AMBRA1: variants seen among roughly 807,000 people sequenced by gnomAD.
AMBRA1 encodes the protein activating molecule in BECN1-regulated autophagy protein 1.
AMBRA1 carries 47 observed loss-of-function variants against 125.4 expected under a neutral mutation model. The ratio of observed to expected loss-of-function variants is 0.37; its 90% CI spans 0.30 to 0.48. The LOEUF (loss-of-function observed/expected upper bound fraction) is 0.48. Ranked by LOEUF, AMBRA1 falls within the 20% of genes least tolerant of loss-of-function variation. AMBRA1 has a pLI of 0.99. For synonymous variants in AMBRA1, 626 were observed against 655.5 expected (o/e 0.95, Z 0.69); for missense variants, 1,331 against 1,693.4 (o/e 0.79, Z 3.76).
At chr11:46,552,220 T>G (rs1186427664) in intron 1 of AMBRA1, among the ~76,000 whole-genome samples, 1 of 146,930 alleles carries the variant, frequency 6.8e-6, no homozygotes, top group Non-Finnish European at 1.5e-5. Flanking sequence ...AATACAAAAA[T>G]TAGCCGGGCG....
At chr11:46,512,921 G>T in intron 7 of AMBRA1, 108 bp from the exon 8 acceptor site, 1 of 932,150 alleles carries the variant, frequency 1.1e-6, no homozygotes, top group South Asian at 1.8e-5. Context: ...TTTGCAGCCA[G>T]CTAACGCCTG....
chr11:46,426,770 T>C (rs1947156164), intron 14 of AMBRA1, among the ~76,000 whole-genome samples: 1 of 152,220 alleles, frequency 6.6e-6, no homozygotes, highest in Non-Finnish European at 1.5e-5. Context: ...GGAAGCAGCT[T>C]TTAATCAACT....
intron 7 of AMBRA1, among the ~76,000 whole-genome samples, chr11:46,534,269 G>C (rs1485126696): frequency 6.6e-6 from 1 of 151,592 alleles, no homozygotes; most frequent in Admixed American, 6.6e-5. Flanking sequence ...GAGGCGGGCG[G>C]AGCACCAGAG....
chr11:46,588,125 G>A (rs564661794), intron 1 of AMBRA1, among the ~76,000 whole-genome samples: 47 of 152,290 alleles, frequency 3.1e-4, no homozygotes, highest in Non-Finnish European at 4.6e-4. Context: ...TTGAGGTCAG[G>A]GGTTCAAGAC....
rs1486830503 is a variant in AMBRA1 at position 46,494,372 on chromosome 11, T to C, written c.2340-168A>G. 2.0e-5 allele frequency among the ~76,000 whole-genome samples: 3 copies of C among 152,298 alleles called. No homozygotes were observed. In the East Asian group the frequency reaches 5.8e-4, roughly 29 times the overall value. On this transcript the variant is annotated intron_variant, in intron 9 of 17. Transcript: ENST00000683756. ...TAGGCAGCACATTAATAAAACATAT[T>C]TCTGGAGAACCTCAACTAAGAGATT...
intron 17 of AMBRA1, among the ~76,000 whole-genome samples, chr11:46,403,082 T>C (rs902997365): frequency 5.9e-5 from 9 of 152,166 alleles, no homozygotes; most frequent in South Asian, 2.1e-4. Context: ...TCTTTGAAAA[T>C]AGGAAATTGA....
intron 11 of AMBRA1, among the ~76,000 whole-genome samples, chr11:46,484,120 C>T (rs533824908): frequency 1.3e-5 from 2 of 152,234 alleles, no homozygotes; most frequent in East Asian, 1.9e-4. Context: ...CAGCTTTGTG[C>T]CATGCACAAG....
In AMBRA1 at chr11:46,459,733, TACACATACACACACACAC is replaced by T. The variant is rs568157479; in HGVS notation, c.2522-16153_2522-16136del. 1.9e-3 allele frequency among the ~76,000 whole-genome samples: 217 copies of T among 115,530 alleles called. 2 individuals are homozygous for T. Among genetic ancestry groups the T allele is most frequent in the Middle Eastern group, 0.017 (4 of 238 alleles). The allele number at this position is 115,530 out of a possible 152,430, so 75.8% of individuals were successfully genotyped here. A position where few individuals can be genotyped will look rare whatever the true frequency, so the allele number is the denominator to read the frequency against. ...CTCCCTCCCAAAAAGAAAAAAAAAA[TACACATACACACACACAC>T]ACACACACACACACACACACACACC... On this transcript the variant is annotated intron_variant, in intron 11 of 17. Transcript: ENST00000683756.
intron 15 of AMBRA1, among the ~76,000 whole-genome samples, chr11:46,413,694 T>C (rs1946402461): frequency 6.6e-6 from 1 of 152,168 alleles, no homozygotes; most frequent in African/African-American, 2.4e-5. Flanking sequence ...TTTCGCCATG[T>C]TGGCCAGGCT....
At chr11:46,564,144 C>CAAAA (rs563596004) in intron 1 of AMBRA1, among the ~76,000 whole-genome samples, 2 of 38,116 alleles carry the variant, frequency 5.2e-5, no homozygotes, top group African/African-American at 1.0e-4. Context: ...AACTCCGTCT[C>CAAAA]AAAAAAAAAA....
intron 16 of AMBRA1, 103 bp downstream of exon 16, chr11:46,410,173 G>A: frequency 3.0e-6 from 3 of 992,270 alleles, no homozygotes; most frequent in Non-Finnish European, 4.8e-6. Context: ...TCTGGTTGAG[G>A]AGGGACCCAG....
intron 7 of AMBRA1, among the ~76,000 whole-genome samples, chr11:46,540,348 A>G (rs1952679357): frequency 6.6e-6 from 1 of 152,196 alleles, no homozygotes; most frequent in African/African-American, 2.4e-5. Flanking sequence ...TAAAGTGCCT[A>G]CTACATGTCA....
intron 7 of AMBRA1, among the ~76,000 whole-genome samples, chr11:46,518,952 CAAAG>C (rs1951639381): frequency 6.6e-6 from 1 of 152,036 alleles, no homozygotes; most frequent in African/African-American, 2.4e-5. Flanking sequence ...TTAAAATAGT[CAAAG>C]AAAGCTCTGG....
chr11:46,443,588 G>T lies in AMBRA1; in HGVS notation c.2532C>A (p.Ile844=), dbSNP rs576290530. The stretch of plus-strand genomic sequence containing the variant: ...TGGCCACAGCAGACTGTCCATCACC[G>T]ATCACTGCCCCTTATGAGGAAGAAG... ...SVNRVLAGAV[I]GDGQSAVASN... The change falls in exon 12 of 18, where the codon ATC becomes ATA. Residue 844 remains isoleucine, a synonymous_variant. Coordinates refer to ENST00000683756, the MANE Select transcript of AMBRA1 (RefSeq NM_001387011.1). 8 of 1,613,422 alleles carry T rather than the reference G, an allele frequency of 5.0e-6. No individual in the cohort carries two copies. In the Middle Eastern group the frequency reaches 6.6e-4, roughly 133 times the overall value.
intron 1 of AMBRA1, among the ~76,000 whole-genome samples, chr11:46,549,521 A>G (rs1417053314): frequency 6.6e-6 from 1 of 152,120 alleles, no homozygotes; most frequent in Non-Finnish European, 1.5e-5. Flanking sequence ...AGGTATCAAG[A>G]CACTTTAACC....
rs796952613 is a variant in AMBRA1, at chr11:46,545,168, G to C, written c.551+436C>G. ...TAAAAAAAAAAAAAAAGCCGGGGGGGGGGGGGTGGTGGTGGGCATGGTGGC... is the reference window on the plus strand; with the variant it reads ...TAAAAAAAAAAAAAAAGCCGGGGGGCGGGGGGTGGTGGTGGGCATGGTGGC... On this transcript the variant is annotated intron_variant, in intron 5 of 17. Transcript: ENST00000683756. Among the ~76,000 whole-genome samples, 487 of 141,958 alleles carry C rather than the reference G, an allele frequency of 3.4e-3. 50 individuals are homozygous for C. Among genetic ancestry groups the C allele is most frequent in the African/African-American group, 9.9e-3 (376 of 38,088 alleles). The allele number at this position is 141,958 out of a possible 152,430, so 93.1% of individuals were successfully genotyped here.
Position 46,543,982 on chromosome 11 carries a change from T to C in AMBRA1, c.611A>G (p.Asn204Ser). 1 of 1,613,534 alleles carries C rather than the reference T, an allele frequency of 6.2e-7. No homozygotes were observed. The highest frequency in any genetic ancestry group is 8.5e-7 in the Non-Finnish European group (1 of 1,179,550). ...YLLTAIVNPS[N>S]QQGDDEPEIP... ...ACTGCTGGACTAACTTACCTGTTGA[T>C]TAGAGGGGTTAACAATTGCTGTGAG... The change falls in exon 6 of 18, where the codon AAT (asparagine) becomes AGT (serine). Residue 204 changes from asparagine to serine, a missense_variant. By Grantham distance (46) the Asn-to-Ser change is conservative (BLOSUM62 1). Coordinates refer to ENST00000683756, the MANE Select transcript of AMBRA1 (RefSeq NM_001387011.1).
intron 15 of AMBRA1, among the ~76,000 whole-genome samples, chr11:46,413,914 T>A (rs1037528839): frequency 1.3e-5 from 2 of 152,194 alleles, no homozygotes; most frequent in Non-Finnish European, 2.9e-5. Context: ...TGCTCTGGGT[T>A]CTTCCTGGGA....
chr11:46,525,654 G>T (rs1479197002), intron 7 of AMBRA1, among the ~76,000 whole-genome samples: 1 of 152,088 alleles, frequency 6.6e-6, no homozygotes, highest in Non-Finnish European at 1.5e-5. Context: ...TGGTGGCTGA[G>T]GCAGAAGAAT....
Sources: gnomAD v4.1 joint callset for allele counts (sites outside exome capture counted in the v4.1 genomes callset) on GRCh38, gnomAD v4.1.1 for gene constraint, MANE v1.5 for transcripts, NCBI Gene and HGNC (gene_info 2026-07-23, HGNC 2026-07-21) for gene names.